Variants in DST observed in about 807,000 individuals in gnomAD.
DST encodes the protein bullous pemphigoid antigen.
A neutral mutation model predicts 875.2 loss-of-function variants in DST; 253 were observed. The ratio of observed to expected loss-of-function variants is 0.29; its 90% CI spans 0.26 to 0.32. DST has a LOEUF of 0.32. Ranked by LOEUF, DST falls within the 10% of genes least tolerant of loss-of-function variation. DST has a pLI of 1.00. For missense variants in DST, 8,287 were observed against 9,111.6 expected (o/e 0.91, Z 3.68); for synonymous variants, 3,124 against 3,197.1 (o/e 0.98, Z 0.77).
At position 56,492,351 on chromosome 6, in the gene DST, T is replaced by G; in HGVS notation, c.20633A>C (p.Gln6878Pro). ...CTTGATTAGAACAACATCTTGTTTC[T>G]GACTAAAATATTTTAGGTGGGTTCC... is the stretch of plus-strand genomic sequence containing the variant. ...KTGTHLKYFSQKQDVVLIKNL... is the reference protein window; with the variant it reads ...KTGTHLKYFSPKQDVVLIKNL... Residue 6878 changes from glutamine (Q) to proline (P), a missense_variant, in exon 85 of 104, where the codon CAG becomes CCG. Around this residue, in one of 10 missense-constraint regions of DST, gnomAD observed 1,292 missense variants for 1,552.7 expected, o/e 0.83. Coordinates refer to ENST00000680361, the MANE Select transcript of DST (RefSeq NM_001374736.1). 1 of 1,613,894 alleles carries G rather than the reference T, an allele frequency of 6.2e-7. No individual in the cohort carries two copies.
chr6:56,926,121 A>G (rs1036717954), intron 2 of DST, among the ~76,000 whole-genome samples: 2 of 151,434 alleles, frequency 1.3e-5, no homozygotes, highest in Non-Finnish European at 1.5e-5. Flanking sequence ...TACTTTTCAT[A>G]TAGTACAGGT....
At chr6:56,611,744 G>A in intron 37 of DST, 148 bp from the exon 38 acceptor site, 1 of 602,922 alleles carries the variant, frequency 1.7e-6, no homozygotes, top group South Asian at 2.1e-5. Context: ...GTTATTAGCA[G>A]TCTATAGAGC....
chr6:56,548,349 C>T (rs56851245), intron 61 of DST, among the ~76,000 whole-genome samples: 1,871 of 152,272 alleles, frequency 0.012, 46 homozygotes, highest in African/African-American at 0.043. Flanking sequence ...TTAGCTAGGA[C>T]TCATTAAAGC....
rs902191207 is a variant in DST, at chr6:56,860,996, TA to T, written c.418-9393del. On this transcript the variant is annotated intron_variant, in intron 3 of 103. Coordinates refer to ENST00000680361, the MANE Select transcript of DST (RefSeq NM_001374736.1). ...AAAACTTAGACAAACATGTTAGTGTTAAAAAAAAAAGCAATTATAGATATTC... is the reference window on the plus strand; with the variant it reads ...AAAACTTAGACAAACATGTTAGTGTTAAAAAAAAAGCAATTATAGATATTC... Among the ~76,000 whole-genome samples the T allele has an allele frequency of 1.7e-3, 257 of 147,264 alleles. 1 individual carries two copies. The highest frequency in any genetic ancestry group is 5.4e-3 in the African/African-American group (219 of 40,234).
At position 56,604,233 on chromosome 6, in the gene DST, C is replaced by A; in HGVS notation, c.10395G>T (p.Met3465Ile). 1 of 1,609,116 alleles carries A rather than the reference C, an allele frequency of 6.2e-7. No individual in the cohort carries two copies. Among genetic ancestry groups the A allele is most frequent in the Non-Finnish European group, 8.5e-7 (1 of 1,177,370 alleles). The change falls in exon 40 of 104, where the codon ATG becomes ATT. Residue 3465 changes from methionine (M) to isoleucine (I), a missense_variant. By Grantham distance (10) the Met-to-Ile change is conservative. Around this residue, in one of 10 missense-constraint regions of DST, gnomAD observed 3,138 missense variants for 3,116.6 expected, o/e 1.01. Transcript: ENST00000680361. ...CATACTCCATATGAGTTAATTCTCT[C>A]ATCAATTCAAATACTCCTGTAATTT... ...SQKITGVFEL[M>I]RELTHMEYDL...
intron 8 of DST, among the ~76,000 whole-genome samples, chr6:56,700,574 G>A (rs1359403726): frequency 6.6e-6 from 1 of 152,036 alleles, no homozygotes; most frequent in Non-Finnish European, 1.5e-5. Flanking sequence ...CATTTGGAAG[G>A]CTGTTCAAAT....
At chr6:56,461,310 C>T (rs2094318356) in intron 102 of DST, 1 of 152,152 alleles carries the variant, frequency 6.6e-6, no homozygotes, top group South Asian at 2.1e-4. Context: ...AATACTTTTA[C>T]ACACATAACC....
In DST at chr6:56,527,637, T is replaced by C. The variant is rs750014658; in HGVS notation, c.17778A>G (p.Glu5926=). Residue 5926 remains glutamate (E), a synonymous_variant, in exon 68 of 104, where the codon GAA becomes GAG. Transcript: ENST00000680361. ...KLSTDVAKTL[E]QALQLARRLH... ...GCCGCCTTGCAAGCTGCAGCGCCTG[T>C]TCCAGAGTCTTGGCCACATCAGTGC... 6.2e-7 allele frequency: 1 copy of C among 1,613,852 alleles called. No homozygotes were observed. Among genetic ancestry groups the C allele is most frequent in the Non-Finnish European group, 8.5e-7 (1 of 1,179,854 alleles).
chr6:56,485,517 A>G, intron 87 of DST, 46 bp from the exon 88 acceptor site: 5 of 1,571,736 alleles, frequency 3.2e-6, no homozygotes, highest in Non-Finnish European at 4.3e-6. Context: ...AAAAAACGTC[A>G]CTCATATATC....
intron 53 of DST, among the ~76,000 whole-genome samples, chr6:56,570,875 C>T (rs9382645): frequency 0.27 from 41,540 of 152,096 alleles, 6,938 homozygotes; most frequent in Middle Eastern, 0.38. Context: ...TGCTGAATGC[C>T]GGCAGGCACA....
intron 9 of DST, among the ~76,000 whole-genome samples, chr6:56,694,316 C>G (rs1222213082): frequency 2.6e-5 from 4 of 151,640 alleles, no homozygotes; most frequent in Admixed American, 1.3e-4. Flanking sequence ...ACTAGGTAGT[C>G]TTTAGACTGA....
chr6:56,667,907 GT>G (rs2152823078), intron 10 of DST, among the ~76,000 whole-genome samples: 1 of 151,762 alleles, frequency 6.6e-6, no homozygotes, highest in African/African-American at 2.4e-5. Flanking sequence ...AGAGGCCATT[GT>G]TTTTAAAAGT....
intron 4 of DST, among the ~76,000 whole-genome samples, chr6:56,825,457 C>A (rs1282798811): frequency 2.9e-5 from 4 of 137,398 alleles, no homozygotes; most frequent in African/African-American, 1.1e-4. Flanking sequence ...ATGACCCTGC[C>A]AAATCCCCCT....
At chr6:56,617,500 C>T (rs1438774049) in intron 36 of DST, 11 of 1,265,108 alleles carry the variant, frequency 8.7e-6, no homozygotes, top group Non-Finnish European at 1.3e-5. Context: ...AAACATAATT[C>T]TTTGAATTAC....
rs1448444120 is a variant in DST, at chr6:56,572,112, G to T, written c.13709C>A (p.Thr4570Asn). Residue 4570 changes from threonine (T) to asparagine (N), a missense_variant, in exon 53 of 104, where the codon ACC becomes AAC. Transcript: ENST00000680361. ...LSKKFKEMED[T>N]IKEKKEAVTS... is the part of the protein sequence containing the mutation. ...AAGTGGTACTTACTTTTCTTTGATG[G>T]TATCCTCCATTTCCTTGAATTTCTT... 1.3e-6 allele frequency: 2 copies of T among 1,494,142 alleles called. No individual in the cohort carries two copies. The highest frequency in any genetic ancestry group is 1.8e-6 in the Non-Finnish European group (2 of 1,122,162). 92.6% of individuals were successfully genotyped at this position (1,494,142 alleles called of 1,614,324 possible).
In DST at chr6:56,729,897, G is replaced by C. The variant is rs114603845; in HGVS notation, c.687+5331C>G. 3.0e-3 allele frequency among the ~76,000 whole-genome samples: 452 copies of C among 152,278 alleles called. 4 individuals carry two copies. Among genetic ancestry groups the C allele is most frequent in the Middle Eastern group, 0.017 (5 of 294 alleles). Reference sequence around the variant, plus strand: ...AATTAAGCTTTCCAAAGTCGTGATGGAACAGTGATAAAATCTGTGATAGTC... The same window carrying C: ...AATTAAGCTTTCCAAAGTCGTGATGCAACAGTGATAAAATCTGTGATAGTC... On this transcript the variant is annotated intron_variant, in intron 5 of 103. Transcript: ENST00000680361.
In DST at chr6:56,605,790, G is replaced by T; in HGVS notation, c.8838C>A (p.Ile2946=). The T allele has an allele frequency of 2.5e-6, 4 of 1,612,496 alleles. No individual in the cohort carries two copies. Among genetic ancestry groups the T allele is most frequent in the South Asian group, 1.1e-5 (1 of 90,996 alleles). ...CAGTACCTAATTCAGAAGTTGAACTGATATTATTATTATCATGTGAAATAC... is the reference window on the plus strand; with the variant it reads ...CAGTACCTAATTCAGAAGTTGAACTTATATTATTATTATCATGTGAAATAC... ...PASISHDNNN[I]SSTSELGTDL... The change falls in exon 40 of 104, where the codon ATC becomes ATA. Residue 2946 remains isoleucine (I), a synonymous_variant. Transcript: ENST00000680361.
At chr6:56,726,787 G>GA (rs1207033229) in intron 5 of DST, among the ~76,000 whole-genome samples, 3 of 151,996 alleles carry the variant, frequency 2.0e-5, no homozygotes, top group Non-Finnish European at 2.9e-5. Flanking sequence ...ATACTAGTGG[G>GA]AAAAAAAGCT....
chr6:56,525,754 C>T (rs534138756), intron 69 of DST, among the ~76,000 whole-genome samples: 1 of 152,294 alleles, frequency 6.6e-6, no homozygotes, highest in African/African-American at 2.4e-5. Context: ...TCCAGGACCC[C>T]ACTCATTGCC....
Sources: allele counts gnomAD v4.1 joint callset (sites outside exome capture counted in the v4.1 genomes callset), GRCh38; gene constraint gnomAD v4.1.1; regional missense constraint gnomAD v4.1.1; transcripts MANE v1.5; gene names NCBI Gene and HGNC (gene_info 2026-07-23, HGNC 2026-07-21).